Variants in GRM8 observed in about 807,000 individuals in gnomAD.
GRM8 encodes metabotropic glutamate receptor 8.
Under a neutral mutation model 87.2 loss-of-function variants are expected in GRM8, and 47 were observed. The observed-to-expected ratio is 0.54, with a 90% CI of 0.43 to 0.69. The LOEUF is 0.69. Ranked by LOEUF, GRM8 falls within the 30% of genes least tolerant of loss-of-function variation. GRM8 has a pLI of 0.00. For missense variants in GRM8, 1,019 were observed against 1,139.2 expected (o/e 0.89, Z 1.52); for synonymous variants, 396 against 404.5 (o/e 0.98, Z 0.25).
At chr7:126,804,009 A>G (rs1311665377) in intron 6 of GRM8, among the ~76,000 whole-genome samples, 1 of 148,882 alleles carries the variant, frequency 6.7e-6, no homozygotes, top group African/African-American at 2.6e-5. Flanking sequence ...GATTTTAAAA[A>G]TGGAATAGTT....
At chr7:127,108,173 G>T (rs1051693786) in intron 2 of GRM8, among the ~76,000 whole-genome samples, 1 of 152,016 alleles carries the variant, frequency 6.6e-6, no homozygotes, top group Non-Finnish European at 1.5e-5. Flanking sequence ...TTTTTCCCCT[G>T]GTTAGATTTT....
intron 9 of GRM8, among the ~76,000 whole-genome samples, chr7:126,471,799 G>C (rs930408107): frequency 3.2e-4 from 49 of 151,936 alleles, no homozygotes; most frequent in Non-Finnish European, 6.6e-4. Context: ...CCATTTTCAT[G>C]ATATTGATTC....
chr7:126,899,331 T>C (rs1801842089), intron 6 of GRM8, among the ~76,000 whole-genome samples: 1 of 152,196 alleles, frequency 6.6e-6, no homozygotes, highest in South Asian at 2.1e-4. Context: ...CACTTTGTAT[T>C]TTCCATTCAT....
chr7:127,140,915 T>C (rs959376833), intron 2 of GRM8, among the ~76,000 whole-genome samples: 14 of 152,160 alleles, frequency 9.2e-5, no homozygotes, highest in Admixed American at 2.6e-4. Flanking sequence ...ACTTTCATCA[T>C]TGGTCTCATG....
intron 6 of GRM8, among the ~76,000 whole-genome samples, chr7:126,782,085 G>A (rs192129202): frequency 1.3e-3 from 191 of 152,288 alleles, no homozygotes; most frequent in Admixed American, 5.8e-3. Context: ...CACACACAGC[G>A]TATTTCCAAA....
At chr7:126,585,090 A>T (rs1795976337) in intron 8 of GRM8, among the ~76,000 whole-genome samples, 2 of 152,182 alleles carry the variant, frequency 1.3e-5, no homozygotes, top group South Asian at 4.1e-4. Flanking sequence ...CTATTTATAC[A>T]AATAAATGAA....
At chr7:127,249,021 A>C (rs1431602199) in intron 1 of GRM8, among the ~76,000 whole-genome samples, 1 of 152,224 alleles carries the variant, frequency 6.6e-6, no homozygotes, top group Non-Finnish European at 1.5e-5. Context: ...GACAACCGGA[A>C]ACCTTCCTAA....
At chr7:126,887,628 T>A (rs1279910952) in intron 6 of GRM8, among the ~76,000 whole-genome samples, 1 of 152,230 alleles carries the variant, frequency 6.6e-6, no homozygotes, top group East Asian at 1.9e-4. Context: ...ACTGTCTACA[T>A]ATACCTCCCC....
intron 1 of GRM8, among the ~76,000 whole-genome samples, chr7:127,248,229 G>A (rs960047196): frequency 6.6e-6 from 1 of 152,212 alleles, no homozygotes; most frequent in African/African-American, 2.4e-5. Context: ...CTGATTGCCT[G>A]CAGTGTGCCT....
intron 3 of GRM8, among the ~76,000 whole-genome samples, chr7:126,998,637 A>G (rs1177528168): frequency 4.0e-5 from 6 of 151,752 alleles, no homozygotes; most frequent in Admixed American, 3.3e-4. Context: ...AACAATCTGA[A>G]AAAGAAAAAA....
At chr7:126,576,156 C>A (rs900687037) in intron 8 of GRM8, among the ~76,000 whole-genome samples, 6 of 152,142 alleles carry the variant, frequency 3.9e-5, no homozygotes, top group African/African-American at 1.4e-4. Context: ...TAAATTCTCA[C>A]CAACATTTTG....
At chr7:126,958,534 G>T (rs907533536) in intron 3 of GRM8, among the ~76,000 whole-genome samples, 2 of 152,202 alleles carry the variant, frequency 1.3e-5, no homozygotes, top group Non-Finnish European at 2.9e-5. Context: ...CTGGCTGTGC[G>T]CAGTGGCTGG....
At chr7:126,690,035 A>G (rs2151366223) in intron 7 of GRM8, among the ~76,000 whole-genome samples, 1 of 152,352 alleles carries the variant, frequency 6.6e-6, no homozygotes, top group South Asian at 2.1e-4. Flanking sequence ...AGTCAAAGCA[A>G]ACTAAGGTTT....
chr7:127,051,739 C>CA (rs59713382), intron 3 of GRM8, among the ~76,000 whole-genome samples: 2,043 of 58,354 alleles, frequency 0.035, 303 homozygotes, highest in African/African-American at 0.046. Context: ...TAATGTTGAG[C>CA]AAAAAAAAAA....
At chr7:127,093,646 G>T (rs577838689) in intron 3 of GRM8, among the ~76,000 whole-genome samples, 37 of 152,294 alleles carry the variant, frequency 2.4e-4, no homozygotes, top group South Asian at 1.2e-3. Context: ...TGCTACAACT[G>T]CCAGAAAATA....
intron 2 of GRM8, among the ~76,000 whole-genome samples, chr7:127,148,995 G>T (rs897902636): frequency 3.3e-5 from 5 of 152,026 alleles, no homozygotes; most frequent in Admixed American, 1.3e-4. Flanking sequence ...AAGAGAAGGA[G>T]CAACAGCTCA....
At chr7:126,664,416 A>T (rs1272087485) in intron 7 of GRM8, among the ~76,000 whole-genome samples, 1 of 152,216 alleles carries the variant, frequency 6.6e-6, no homozygotes, top group Non-Finnish European at 1.5e-5. Flanking sequence ...CAAAAACAAC[A>T]TGGTACTGGT....
intron 7 of GRM8, among the ~76,000 whole-genome samples, chr7:126,721,139 T>A (rs958741102): frequency 6.6e-6 from 1 of 152,232 alleles, no homozygotes; most frequent in Admixed American, 6.5e-5. Flanking sequence ...GTGATTTTTC[T>A]TTTTATCCTT....
intron 7 of GRM8, among the ~76,000 whole-genome samples, chr7:126,739,667 T>C (rs1194009962): frequency 6.6e-6 from 1 of 152,106 alleles, no homozygotes; most frequent in East Asian, 1.9e-4. Flanking sequence ...ACAACCCCTT[T>C]GTATAATTAT....
Sources: allele counts gnomAD v4.1 joint callset (sites outside exome capture counted in the v4.1 genomes callset), GRCh38; gene constraint gnomAD v4.1.1; transcripts MANE v1.5; gene names NCBI Gene and HGNC (gene_info 2026-07-23, HGNC 2026-07-21).